Variants in PCDHGA4 observed in about 807,000 individuals in gnomAD.
PCDHGA4 encodes the protein protocadherin gamma-A4.
A neutral mutation model predicts 54.6 loss-of-function variants in PCDHGA4; 38 were observed. The ratio of observed to expected loss-of-function variants is 0.70; its 90% CI spans 0.54 to 0.91. The LOEUF is 0.91. Among genes scored for constraint, PCDHGA4 ranks in the 40% least tolerant of loss-of-function variants. PCDHGA4 has a pLI of 0.00. For missense variants in PCDHGA4, 1,298 were observed against 1,220.9 expected (o/e 1.06, Z -0.94); for synonymous variants, 511 against 512.9 (o/e 1.00, Z 0.05).
chr5:141,425,566 G>T (rs532293951), intron 1 of PCDHGA4, among the ~76,000 whole-genome samples: 1 of 152,348 alleles, frequency 6.6e-6, no homozygotes, highest in Admixed American at 6.5e-5. Context: ...TAAGTGATAA[G>T]AAGGGTTTGG....
At chr5:141,471,079 C>T (rs1169560328) in intron 1 of PCDHGA4, among the ~76,000 whole-genome samples, 1 of 145,256 alleles carries the variant, frequency 6.9e-6, no homozygotes, top group African/African-American at 2.5e-5. Context: ...GACAGGGTCT[C>T]CCTCTGTTGT....
chr5:141,490,180 C>T lies in PCDHGA4; in HGVS notation c.2515-4627C>T, dbSNP rs747366205. On this transcript the variant is annotated intron_variant, in intron 1 of 3. Coordinates refer to ENST00000571252, the MANE Select transcript of PCDHGA4 (RefSeq NM_018917.4). This position sits in a 1 kb window ranked among gnomAD's most constrained non-coding sequence, Gnocchi z 5.4. ...GGGTCCCATAGACTTTGAGGAGTCACGTTTCTATGAAATTCATGCAAGAGC... is the reference window on the plus strand; with the variant it reads ...GGGTCCCATAGACTTTGAGGAGTCATGTTTCTATGAAATTCATGCAAGAGC... 3 of 1,614,208 alleles carry T rather than the reference C, an allele frequency of 1.9e-6. No individual in the cohort carries two copies. Among genetic ancestry groups the T allele is most frequent in the East Asian group, 2.2e-5 (1 of 44,882 alleles).
intron 1 of PCDHGA4, among the ~76,000 whole-genome samples, chr5:141,450,823 A>ATTT: frequency 7.5e-6 from 1 of 133,136 alleles, no homozygotes; most frequent in African/African-American, 2.9e-5. Flanking sequence ...TAATATTATT[A>ATTT]TTATTATTTT....
chr5:141,383,111 G>A (rs1778825572), intron 1 of PCDHGA4: 3 of 1,614,040 alleles, frequency 1.9e-6, no homozygotes, highest in Non-Finnish European at 2.5e-6. Context: ...TCCAGAGGTA[G>A]GACGCAGCTT....
intron 2 of PCDHGA4, among the ~76,000 whole-genome samples, chr5:141,503,432 TA>T (rs1423418926): frequency 6.6e-6 from 1 of 151,668 alleles, no homozygotes; most frequent in African/African-American, 2.4e-5. Flanking sequence ...CCATCTCTAC[TA>T]AAAATACAAA....
chr5:141,359,893 T>C, intron 1 of PCDHGA4: 1 of 393,452 alleles, frequency 2.5e-6, no homozygotes, highest in Non-Finnish European at 4.5e-6. Flanking sequence ...TTAGCAAATA[T>C]TGACAAGCCA....
chr5:141,468,847 C>T (rs2099182933), intron 1 of PCDHGA4, among the ~76,000 whole-genome samples: 1 of 151,986 alleles, frequency 6.6e-6, no homozygotes, highest in African/African-American at 2.4e-5. Flanking sequence ...GCCTGGGCAA[C>T]AGAGCGAGAC....
rs777058727 is a variant in PCDHGA4 at position 141,431,947 on chromosome 5, A to G, written c.2515-62860A>G. 6 of 1,614,052 alleles carry G rather than the reference A, an allele frequency of 3.7e-6. No homozygotes were observed. The highest frequency in any genetic ancestry group is 2.2e-5 in the East Asian group (1 of 44,894). ...GAAATCTGCCCTTTAAATTAGAAAAATCTTACGGAAATTACTATAGTTTAG... is the reference window on the plus strand; with the variant it reads ...GAAATCTGCCCTTTAAATTAGAAAAGTCTTACGGAAATTACTATAGTTTAG... On this transcript the variant is annotated intron_variant, in intron 1 of 3. Transcript: ENST00000571252. This position sits in a 1 kb window ranked among gnomAD's most constrained non-coding sequence, Gnocchi z 4.8.
intron 1 of PCDHGA4, among the ~76,000 whole-genome samples, chr5:141,464,193 A>C (rs991769179): frequency 1.3e-5 from 2 of 149,674 alleles, no homozygotes; most frequent in Non-Finnish European, 3.0e-5. Flanking sequence ...TGATTTCAGG[A>C]GGCGGAGATT....
At chr5:141,453,652 T>C (rs1302902554) in intron 1 of PCDHGA4, among the ~76,000 whole-genome samples, 1 of 152,252 alleles carries the variant, frequency 6.6e-6, no homozygotes, top group Non-Finnish European at 1.5e-5. Context: ...TTATGTCCTC[T>C]TCTTTCTTAC....
At chr5:141,359,388 T>C (rs960100027) in intron 1 of PCDHGA4, among the ~76,000 whole-genome samples, 6 of 152,096 alleles carry the variant, frequency 3.9e-5, no homozygotes, top group African/African-American at 9.7e-5. Context: ...ATTTATAACC[T>C]AAAATCAAAT....
Position 141,455,633 on chromosome 5 carries a change from G to A in PCDHGA4, c.2515-39174G>A, listed in dbSNP as rs1049071525. On this transcript the variant is annotated intron_variant, in intron 1 of 3. Coordinates refer to ENST00000571252, the MANE Select transcript of PCDHGA4 (RefSeq NM_018917.4). ...ATGTTCTAAACACGTGGAGATATGT[G>A]GGGGGCAGCCATGTGGCCAGGAACT... Among the ~76,000 whole-genome samples, 19 of 152,198 alleles carry A rather than the reference G, an allele frequency of 1.2e-4. No homozygotes were observed. In the East Asian group the frequency reaches 3.1e-3, roughly 25 times the overall value.
chr5:141,459,171 A>G (rs2098962477), intron 1 of PCDHGA4, among the ~76,000 whole-genome samples: 1 of 152,180 alleles, frequency 6.6e-6, no homozygotes, highest in Non-Finnish European at 1.5e-5. Flanking sequence ...ATAACCTTCA[A>G]AAGTTCCCTC....
chr5:141,428,167 G>GCGTGA (rs746443726), intron 1 of PCDHGA4: 3 of 1,548,998 alleles, frequency 1.9e-6, no homozygotes, highest in South Asian at 1.1e-5. Context: ...TGGTTGCTGT[G>GCGTGA]CGTGACGGAG....
At chr5:141,461,825 T>C (rs2099024418) in intron 1 of PCDHGA4, among the ~76,000 whole-genome samples, 1 of 151,778 alleles carries the variant, frequency 6.6e-6, no homozygotes, top group African/African-American at 2.4e-5. Context: ...AGCTAATTTT[T>C]TTTTCTTTTT....
intron 1 of PCDHGA4, chr5:141,375,207 AC>A (rs775034160): frequency 9.3e-6 from 15 of 1,613,778 alleles, no homozygotes; most frequent in Non-Finnish European, 1.2e-5. Context: ...TTCGATCGAG[AC>A]TCTGGCCTGA....
chr5:141,375,028 T>G (rs775365002), intron 1 of PCDHGA4: 2 of 1,613,924 alleles, frequency 1.2e-6, no homozygotes, highest in Admixed American at 1.7e-5. Flanking sequence ...CGAGTTTTTA[T>G]GAGCTGGGTG....
intron 1 of PCDHGA4, chr5:141,421,516 T>C (rs199973694): frequency 6.8e-6 from 11 of 1,614,064 alleles, no homozygotes; most frequent in Non-Finnish European, 9.3e-6. Context: ...GGAGGAGCTC[T>C]GTGAGACGGT....
chr5:141,453,333 A>T (rs181261279), intron 1 of PCDHGA4, among the ~76,000 whole-genome samples: 3 of 151,914 alleles, frequency 2.0e-5, no homozygotes, highest in Admixed American at 1.3e-4. Context: ...GGGTCTCACT[A>T]TGTTTCCCCA....
Sources: allele counts gnomAD v4.1 joint callset (sites outside exome capture counted in the v4.1 genomes callset), GRCh38; gene constraint gnomAD v4.1.1; non-coding constraint Gnocchi (gnomAD v3.1); transcripts MANE v1.5; gene names NCBI Gene and HGNC (gene_info 2026-07-23, HGNC 2026-07-21).